ANKRD28: variants seen among roughly 807,000 people sequenced by gnomAD.
ANKRD28 encodes the protein serine/threonine-protein phosphatase 6 regulatory ankyrin repeat subunit A.
Under a neutral mutation model 126.5 loss-of-function variants are expected in ANKRD28, and 44 were observed. The ratio of observed to expected loss-of-function variants is 0.35; its 90% confidence interval spans 0.27 to 0.45. The LOEUF is 0.45. Ranked by LOEUF, ANKRD28 falls within the 20% of genes least tolerant of loss-of-function variation. ANKRD28 has a pLI of 1.00. For missense variants in ANKRD28, 1,110 were observed against 1,316.6 expected, an observed-to-expected ratio of 0.84 and a Z score of 2.43; for synonymous variants, 442 against 468.5, an observed-to-expected ratio of 0.94 and a Z score of 0.73.
At chr3:15,765,207 C>CT (rs370860198) in intron 3 of ANKRD28, among the ~76,000 whole-genome samples, 57 of 152,168 alleles carry the variant, frequency 3.7e-4, no homozygotes, top group African/African-American at 1.4e-3. Context: ...GTCTGCTTGC[C>CT]TTTTTTGGGA....
intron 4 of ANKRD28, among the ~76,000 whole-genome samples, chr3:15,738,298 C>T (rs927374424): frequency 6.6e-6 from 1 of 152,048 alleles, no homozygotes; most frequent in African/African-American, 2.4e-5. Flanking sequence ...ATCACATGCC[C>T]AAGCCGCAAA....
chr3:15,710,996 T>G (rs902828653), intron 12 of ANKRD28, among the ~76,000 whole-genome samples: 1 of 152,162 alleles, frequency 6.6e-6, no homozygotes, highest in Non-Finnish European at 1.5e-5. Context: ...TTTTGTAGGT[T>G]TATTCTCTCT....
At chr3:15,832,544 C>T (rs1045899789) in intron 1 of ANKRD28, among the ~76,000 whole-genome samples, 3 of 152,318 alleles carry the variant, frequency 2.0e-5, no homozygotes, top group Non-Finnish European at 4.4e-5. Context: ...ATGAAGTGCG[C>T]TTTTAGTGTA....
At position 15,705,696 on chromosome 3, in the gene ANKRD28, A is replaced by G. The variant is rs149322924; in HGVS notation, c.1547+2228T>C. On this transcript the variant is annotated intron_variant, in intron 14 of 27. Coordinates refer to ENST00000683139, the MANE Select transcript of ANKRD28 (RefSeq NM_001349278.2). ...TCTTGCAAATAAAATACACATTACT[A>G]TTGCCTTTAAGATTAGAATTTTAGG... Among the ~76,000 whole-genome samples, 389 of 152,276 alleles carry G rather than the reference A, an allele frequency of 2.6e-3. 3 individuals are homozygous for G. Among genetic ancestry groups the G allele is most frequent in the African/African-American group, 9.0e-3 (375 of 41,544 alleles).
At chr3:15,793,821 T>C (rs942729611) in intron 2 of ANKRD28, among the ~76,000 whole-genome samples, 2 of 152,206 alleles carry the variant, frequency 1.3e-5, no homozygotes, top group Non-Finnish European at 2.9e-5. Context: ...ATCCCAGCAC[T>C]TTGGGAGGCC....
intron 15 of ANKRD28, 79 bp from the exon 16 acceptor site, chr3:15,695,293 G>T: frequency 9.1e-7 from 1 of 1,099,218 alleles, no homozygotes; most frequent in Non-Finnish European, 1.3e-6. Context: ...ATAGAGCTTT[G>T]CTAACTTTTA....
chr3:15,714,353 AAC>A lies in ANKRD28; in HGVS notation c.1075+223_1075+224del, dbSNP rs201506451. 6.6e-4 allele frequency among the ~76,000 whole-genome samples: 100 copies of A among 152,200 alleles called. 4 individuals carry two copies. The East Asian group carries it at 0.019, about 28-fold the overall frequency. On this transcript the variant is annotated intron_variant, in intron 9 of 27. Transcript: ENST00000683139. ...AGCTAATACTAACTGCTGAAGAAAT[AAC>A]ACAGTTCAGGGAAACAAAACATAAA... is the stretch of plus-strand genomic sequence containing the variant.
At chr3:15,677,225 G>C (rs2067033361) in intron 25 of ANKRD28, among the ~76,000 whole-genome samples, 169 bp from the exon 26 acceptor site, 1 of 152,038 alleles carries the variant, frequency 6.6e-6, no homozygotes. Flanking sequence ...TGGGAGTGAG[G>C]GTAGGAGAAG....
In ANKRD28 at chr3:15,797,254, G is replaced by C; in HGVS notation, c.-733C>G. 1 of 983,480 alleles carries C rather than the reference G, an allele frequency of 1.0e-6. No homozygotes were observed. The highest frequency in any genetic ancestry group is 1.2e-6 in the Non-Finnish European group (1 of 829,572). The allele number at this position is 983,480 out of a possible 1,614,324, so 60.9% of individuals were successfully genotyped here. A position where few individuals can be genotyped will look rare whatever the true frequency, so the allele number is the denominator to read the frequency against. On this transcript the variant is annotated 5_prime_UTR_variant, in exon 1 of 28. Transcript: ENST00000683139. ...TGCATTAATAGCAAAGCTGCAGTAC[G>C]TTTACATGTGATGAGTCAGACCACA...
chr3:15,675,869 T>C (rs757492608), intron 27 of ANKRD28, 29 bp downstream of exon 27: 113 of 1,544,846 alleles, frequency 7.3e-5, no homozygotes, highest in Non-Finnish European at 9.6e-5. Context: ...AGCTCTAGGT[T>C]AAGGGAAGAG....
At chr3:15,670,710 A>G (rs149882174) in intron 27 of ANKRD28, among the ~76,000 whole-genome samples, 154 bp from the exon 28 acceptor site, 125 of 152,372 alleles carry the variant, frequency 8.2e-4, no homozygotes, top group African/African-American at 2.8e-3. Context: ...CAAGTTTCTA[A>G]TAAGTAGAAA....
intron 1 of ANKRD28, among the ~76,000 whole-genome samples, chr3:15,811,929 G>C (rs1313314901): frequency 2.6e-5 from 4 of 151,146 alleles, no homozygotes; most frequent in African/African-American, 9.8e-5. Flanking sequence ...CAAGGTGGGT[G>C]GATCACTTCA....
intron 8 of ANKRD28, among the ~76,000 whole-genome samples, chr3:15,719,897 G>T (rs953211238): frequency 6.6e-6 from 1 of 151,900 alleles, no homozygotes; most frequent in East Asian, 1.9e-4. Context: ...TTGAGACAGG[G>T]TCTCACTCTG....
chr3:15,709,991 G>A (rs1341954423), intron 12 of ANKRD28, among the ~76,000 whole-genome samples: 2 of 151,264 alleles, frequency 1.3e-5, no homozygotes, highest in African/African-American at 4.9e-5. Context: ...GATCACATTT[G>A]CAAAAGAGAT....
intron 3 of ANKRD28, among the ~76,000 whole-genome samples, chr3:15,753,266 A>G (rs79117733): frequency 5.4e-4 from 82 of 152,378 alleles, no homozygotes; most frequent in African/African-American, 1.9e-3. Context: ...TGGTTAAAAC[A>G]CAAACTGCCT....
chr3:15,832,954 C>T (rs1270540803), intron 1 of ANKRD28, among the ~76,000 whole-genome samples: 1 of 152,212 alleles, frequency 6.6e-6, no homozygotes, highest in East Asian at 1.9e-4. Flanking sequence ...AGTAGTGGGA[C>T]TGCAGAATCA....
intron 1 of ANKRD28, among the ~76,000 whole-genome samples, chr3:15,827,681 C>G (rs998425145): frequency 6.6e-6 from 1 of 152,092 alleles, no homozygotes; most frequent in Non-Finnish European, 1.5e-5. Context: ...TTGGATTTGG[C>G]AGTGATTCCT....
chr3:15,713,491 C>T (rs1292133661), intron 10 of ANKRD28, 36 bp downstream of exon 10: 2 of 1,525,656 alleles, frequency 1.3e-6, no homozygotes, highest in East Asian at 2.3e-5. Flanking sequence ...TTTGTGCTTG[C>T]CTGTATCAGT....
intron 14 of ANKRD28, among the ~76,000 whole-genome samples, chr3:15,706,034 C>G (rs905212202): frequency 7.7e-6 from 1 of 130,282 alleles, no homozygotes; most frequent in African/African-American, 2.9e-5. Flanking sequence ...ACAAAAAAAC[C>G]CACAAAAACA....
Sources: gnomAD v4.1 joint callset for allele counts (sites outside exome capture counted in the v4.1 genomes callset) on GRCh38, gnomAD v4.1.1 for gene constraint, MANE v1.5 for transcripts, NCBI Gene and HGNC (gene_info 2026-07-23, HGNC 2026-07-21) for gene names.